TRIM54: variants seen among roughly 807,000 people sequenced by gnomAD.
TRIM54 encodes the protein tripartite motif-containing protein 54.
TRIM54 carries 40 observed loss-of-function variants against 42.0 expected under a neutral mutation model. That is an observed-to-expected ratio of 0.95 (90% CI 0.74 to 1.24). The LOEUF (loss-of-function observed/expected upper bound fraction) is 1.24. TRIM54 is among the 50% of genes most tolerant of loss of function. The probability of loss-of-function intolerance (pLI) is 0.00; values close to 1 mark genes in which losing one functional copy is unlikely to be tolerated. For missense variants in TRIM54, 485 were observed against 480.3 expected (o/e 1.01, Z -0.09); for synonymous variants, 199 against 194.9 (o/e 1.02, Z -0.17).
At chr2:27,295,012 C>A (rs1678825097) in intron 1 of TRIM54, among the ~76,000 whole-genome samples, 1 of 151,508 alleles carries the variant, frequency 6.6e-6, no homozygotes, top group African/African-American at 2.4e-5. Context: ...CATTATTATT[C>A]TATTTCTTGT....
At chr2:27,293,967 G>A (rs1678793457) in intron 1 of TRIM54, among the ~76,000 whole-genome samples, 1 of 152,040 alleles carries the variant, frequency 6.6e-6, no homozygotes, top group African/African-American at 2.4e-5. Context: ...AGGTGGCAGT[G>A]AGCCAAGATC....
intron 1 of TRIM54, among the ~76,000 whole-genome samples, chr2:27,297,010 C>T (rs1678884595): frequency 6.6e-6 from 1 of 152,176 alleles, no homozygotes; most frequent in Non-Finnish European, 1.5e-5. Context: ...CTGCCCACCT[C>T]GGCCTCCCAA....
In TRIM54 at chr2:27,306,836, G is replaced by T; in HGVS notation, c.*2-51G>T. 2.0e-6 allele frequency: 1 copy of T among 488,010 alleles called. No homozygotes were observed. The allele number at this position is 488,010 out of a possible 1,614,324, so 30.2% of individuals were successfully genotyped here. On this transcript the variant is annotated intron_variant, in intron 8 of 8. Transcript: ENST00000380075. The surrounding 1 kb of genome is among the most constrained non-coding windows in gnomAD (Gnocchi z 6.1). ...GGACGGAGTGAGCGGGGCTCGAGCT[G>T]CCTCGTGCCTTCGCAGCACCCGCCC...
At chr2:27,305,134 C>T in intron 4 of TRIM54, 80 bp downstream of exon 4, 2 of 1,280,952 alleles carry the variant, frequency 1.6e-6, no homozygotes, top group East Asian at 2.5e-5. Context: ...CTGCTCCTCT[C>T]TGACCTCTCG....
chr2:27,287,649 G>A lies in TRIM54; in HGVS notation c.168+4750G>A, dbSNP rs372194585. Among the ~76,000 whole-genome samples, 18 of 151,846 alleles carry A rather than the reference G, an allele frequency of 1.2e-4. No individual in the cohort carries two copies. The East Asian group carries it at 3.1e-3, about 26-fold the overall frequency. On this transcript the variant is annotated intron_variant, in intron 1 of 8. Coordinates refer to ENST00000380075, the MANE Select transcript of TRIM54 (RefSeq NM_187841.3). The stretch of plus-strand genomic sequence containing the variant: ...AACAGTCCTTCTGCCTCAGCCTTTC[G>A]TGTAGCTAGGATTACAGGCATGTAC...
In TRIM54 at chr2:27,283,776, ACACG is replaced by A. The variant is rs1399376640; in HGVS notation, c.168+879_168+882del. ...GTGAGGGGCAAAGGCACACACACAC[ACACG>A]CGCGCACACACACACACACACACAC... On this transcript the variant is annotated intron_variant, in intron 1 of 8. Transcript: ENST00000380075. Among the ~76,000 whole-genome samples, 241 of 105,448 alleles carry A rather than the reference ACACG, an allele frequency of 2.3e-3. 3 individuals are homozygous for A. Among genetic ancestry groups the A allele is most frequent in the African/African-American group, 9.5e-3 (231 of 24,328 alleles). The allele number at this position is 105,448 out of a possible 152,430, so 69.2% of individuals were successfully genotyped here. A position where few individuals can be genotyped will look rare whatever the true frequency, so the allele number is the denominator to read the frequency against.
At chr2:27,293,775 A>G (rs1253562522) in intron 1 of TRIM54, among the ~76,000 whole-genome samples, 2 of 152,162 alleles carry the variant, frequency 1.3e-5, no homozygotes, top group African/African-American at 4.8e-5. Flanking sequence ...TAATCCCAGC[A>G]CTTTGGGAGG....
chr2:27,282,987 A>AT, intron 1 of TRIM54, 88 bp downstream of exon 1: 1 of 1,409,268 alleles, frequency 7.1e-7, no homozygotes, highest in Non-Finnish European at 9.6e-7. Flanking sequence ...CCAGAAGGTG[A>AT]TGGATAGAGT....
At chr2:27,303,465 G>C (rs185604504) in intron 3 of TRIM54, among the ~76,000 whole-genome samples, 3 of 151,982 alleles carry the variant, frequency 2.0e-5, no homozygotes, top group Non-Finnish European at 4.4e-5. Context: ...CAGGAGAATC[G>C]CTTGAACCCA....
intron 1 of TRIM54, among the ~76,000 whole-genome samples, chr2:27,295,424 A>G (rs1180608456): frequency 6.6e-6 from 1 of 152,078 alleles, no homozygotes; most frequent in African/African-American, 2.4e-5. Context: ...CTCTTGCCTC[A>G]GCCTCCCAAA....
intron 1 of TRIM54, among the ~76,000 whole-genome samples, chr2:27,295,164 C>T (rs1287681839): frequency 2.0e-5 from 3 of 151,460 alleles, no homozygotes; most frequent in South Asian, 2.1e-4. Context: ...CTCCTGGGTT[C>T]GACTCCAGGG....
At chr2:27,298,174 G>C (rs1678919284) in intron 1 of TRIM54, among the ~76,000 whole-genome samples, 1 of 152,036 alleles carries the variant, frequency 6.6e-6, no homozygotes, top group Non-Finnish European at 1.5e-5. Flanking sequence ...TCCAGTTGTG[G>C]CCCAAGAGGG....
intron 1 of TRIM54, among the ~76,000 whole-genome samples, chr2:27,295,870 A>T (rs1678854769): frequency 6.6e-6 from 1 of 152,222 alleles, no homozygotes; most frequent in Non-Finnish European, 1.5e-5. Context: ...TTGAAAAGTA[A>T]TTGTATTAAG....
At chr2:27,301,659 C>A (rs915359437) in intron 3 of TRIM54, among the ~76,000 whole-genome samples, 1 of 152,094 alleles carries the variant, frequency 6.6e-6, no homozygotes, top group Non-Finnish European at 1.5e-5. Context: ...CTTACTGCAA[C>A]CTGTTTTATC....
At chr2:27,285,839 T>A (rs533204501) in intron 1 of TRIM54, among the ~76,000 whole-genome samples, 1 of 152,214 alleles carries the variant, frequency 6.6e-6, no homozygotes, top group East Asian at 1.9e-4. Flanking sequence ...TCCTAAAAAC[T>A]GCCGTGATGG....
chr2:27,298,651 G>A lies in TRIM54; in HGVS notation c.253G>A (p.Val85Ile). The A allele has an allele frequency of 6.2e-7, 1 of 1,614,176 alleles. No homozygotes were observed. Among genetic ancestry groups the A allele is most frequent in the South Asian group, 1.1e-5 (1 of 91,086 alleles). ...RFRCPSCRHE[V>I]VLDRHGVYGL... is the part of the protein sequence containing the mutation. ...CCGCTGCCCATCGTGCAGGCATGAGGTTGTCCTGGACAGACACGGTGTCTA... is the reference window on the plus strand; with the variant it reads ...CCGCTGCCCATCGTGCAGGCATGAGATTGTCCTGGACAGACACGGTGTCTA... Residue 85 changes from valine (V) to isoleucine (I), a missense_variant, in exon 2 of 9, where the codon GTT becomes ATT. Val to Ile is a conservative substitution (Grantham distance 29). Coordinates refer to ENST00000380075, the MANE Select transcript of TRIM54 (RefSeq NM_187841.3).
At chr2:27,289,837 T>A (rs985532735) in intron 1 of TRIM54, among the ~76,000 whole-genome samples, 2 of 148,264 alleles carry the variant, frequency 1.3e-5, no homozygotes, top group Non-Finnish European at 3.0e-5. Context: ...AGCAACATAG[T>A]GAGACACTAT....
At position 27,306,594 on chromosome 2, in the gene TRIM54, G is replaced by T; in HGVS notation, c.*1+52G>T. The T allele has an allele frequency of 2.0e-6, 3 of 1,470,956 alleles. No homozygotes were observed. In the Admixed American group the frequency reaches 7.2e-5, roughly 35 times the overall value. The allele number at this position is 1,470,956 out of a possible 1,614,324, so 91.1% of individuals were successfully genotyped here. On this transcript the variant is annotated intron_variant, in intron 8 of 8. Transcript: ENST00000380075. This position sits in a 1 kb window ranked among gnomAD's most constrained non-coding sequence, Gnocchi z 6.1. ...GTGAGAGCGGCCTGAGGGGCTTGGG[G>T]TGGGGCCTGGCTGGTGTGCTCGCGT...
Position 27,306,807 on chromosome 2 carries a change from C to T in TRIM54, c.*2-80C>T. The T allele has an allele frequency of 5.7e-6, 3 of 527,934 alleles. No homozygotes were observed. Among genetic ancestry groups the T allele is most frequent in the East Asian group, 3.2e-5 (1 of 31,198 alleles). 32.7% of individuals were successfully genotyped at this position (527,934 alleles called of 1,614,324 possible). Reference sequence around the variant, plus strand: ...CTGAGTAGAGGAGAAACCCACGTGGCGGGGGACGGAGTGAGCGGGGCTCGA... The same window carrying T: ...CTGAGTAGAGGAGAAACCCACGTGGTGGGGGACGGAGTGAGCGGGGCTCGA... On this transcript the variant is annotated intron_variant, in intron 8 of 8. Transcript: ENST00000380075. The surrounding 1 kb of genome is among the most constrained non-coding windows in gnomAD (Gnocchi z 6.1).
Sources: gnomAD v4.1 joint callset for allele counts (sites outside exome capture counted in the v4.1 genomes callset) on GRCh38, gnomAD v4.1.1 for gene constraint, Gnocchi (gnomAD v3.1) non-coding constraint, MANE v1.5 for transcripts, NCBI Gene and HGNC (gene_info 2026-07-23, HGNC 2026-07-21) for gene names.